Variants in NCKAP5 observed in about 807,000 individuals in gnomAD.
NCKAP5 encodes the protein nck-associated protein 5.
In NCKAP5, 92 loss-of-function variants were observed where a neutral mutation model predicts 167.0. The observed-to-expected ratio is 0.55, with a 90% CI of 0.47 to 0.66. The LOEUF (loss-of-function observed/expected upper bound fraction) is 0.66, where lower values mean the gene tolerates loss of function less well. Among genes scored for constraint, NCKAP5 ranks in the 30% least tolerant of loss-of-function variants. NCKAP5 has a pLI of 0.00. For synonymous variants in NCKAP5, 891 were observed against 877.4 expected, an observed-to-expected ratio of 1.02 and a Z score of -0.27; for missense variants, 2,378 against 2,315.0, an observed-to-expected ratio of 1.03 and a Z score of -0.56.
intron 6 of NCKAP5, among the ~76,000 whole-genome samples, chr2:133,103,874 G>A (rs909993690): frequency 6.6e-6 from 1 of 152,082 alleles, no homozygotes; most frequent in Non-Finnish European, 1.5e-5. Flanking sequence ...GAGAACTAGT[G>A]CTTTAAATGT....
At chr2:132,747,957 A>T (rs1430627) in intron 16 of NCKAP5, among the ~76,000 whole-genome samples, 30,215 of 152,158 alleles carry the variant, frequency 0.2, 3,574 homozygotes, top group Non-Finnish European at 0.28. Context: ...TATTCAGTTT[A>T]CCAAGCATTC....
intron 2 of NCKAP5, among the ~76,000 whole-genome samples, chr2:133,538,321 T>C (rs989895095): frequency 6.6e-6 from 1 of 152,174 alleles, no homozygotes; most frequent in African/African-American, 2.4e-5. Context: ...GAAGTCAAAT[T>C]AGGTGAGTGG....
chr2:133,065,942 T>C, intron 6 of NCKAP5, among the ~76,000 whole-genome samples: 1 of 152,246 alleles, frequency 6.6e-6, no homozygotes, highest in East Asian at 1.9e-4. Flanking sequence ...TGATTCATTC[T>C]CCATTCATCT....
Position 132,820,918 on chromosome 2 carries a change from T to TA in NCKAP5, c.808-24190dup, listed in dbSNP as rs538521496. Among the ~76,000 whole-genome samples the TA allele has an allele frequency of 1.4e-3, 216 of 152,318 alleles. 1 individual carries two copies. The highest frequency in any genetic ancestry group is 4.9e-3 in the African/African-American group (205 of 41,578). On this transcript the variant is annotated intron_variant, in intron 11 of 19. Transcript: ENST00000409261. Reference sequence around the variant, plus strand: ...ATCCTGCGTGATAAGTGAGGCAACATAAAATGTGCCAGCAGGACCAAGTGG... The same window carrying TA: ...ATCCTGCGTGATAAGTGAGGCAACATAAAAATGTGCCAGCAGGACCAAGTGG...
At chr2:133,144,717 A>G (rs1319026538) in intron 5 of NCKAP5, among the ~76,000 whole-genome samples, 1 of 152,126 alleles carries the variant, frequency 6.6e-6, no homozygotes, top group East Asian at 1.9e-4. Flanking sequence ...CTCTGTACAG[A>G]GGCACCTGCG....
rs116167205 is a variant in NCKAP5, at chr2:132,711,166, C to A, written c.5713+14461G>T. Among the ~76,000 whole-genome samples the A allele has an allele frequency of 4.5e-3, 686 of 152,258 alleles. 6 individuals carry two copies. The highest frequency in any genetic ancestry group is 0.016 in the African/African-American group (660 of 41,540). On this transcript the variant is annotated intron_variant, in intron 19 of 19. Coordinates refer to ENST00000409261, the MANE Select transcript of NCKAP5 (RefSeq NM_207363.3). ...TACAATAGTAAATATGAGGGTGAACCCAGGAAATCCTAGAATATGGATCCC... is the reference window on the plus strand; with the variant it reads ...TACAATAGTAAATATGAGGGTGAACACAGGAAATCCTAGAATATGGATCCC...
chr2:132,752,415 A>G (rs1258796748), intron 16 of NCKAP5, among the ~76,000 whole-genome samples: 2 of 152,266 alleles, frequency 1.3e-5, no homozygotes. Context: ...TCAGAGGGCT[A>G]AACGGAAAGG....
At chr2:133,465,634 A>G (rs373075371) in intron 3 of NCKAP5, among the ~76,000 whole-genome samples, 3 of 151,164 alleles carry the variant, frequency 2.0e-5, no homozygotes, top group South Asian at 2.1e-4. Context: ...AACAGTGTAA[A>G]AGTGTTCCTA....
intron 6 of NCKAP5, among the ~76,000 whole-genome samples, chr2:133,062,913 T>C (rs1294640669): frequency 6.6e-6 from 1 of 152,134 alleles, no homozygotes; most frequent in Non-Finnish European, 1.5e-5. Context: ...CGAGATTAAA[T>C]TATCAGTGTT....
intron 3 of NCKAP5, among the ~76,000 whole-genome samples, chr2:133,376,389 G>A (rs1015785279): frequency 2.0e-5 from 3 of 152,044 alleles, no homozygotes; most frequent in Admixed American, 6.6e-5. Flanking sequence ...AATCATCCTC[G>A]ACTCCTCCTT....
chr2:132,869,908 A>AT (rs1690670828), intron 9 of NCKAP5, among the ~76,000 whole-genome samples: 1 of 152,240 alleles, frequency 6.6e-6, no homozygotes, highest in African/African-American at 2.4e-5. Flanking sequence ...AGTCACTGTT[A>AT]TTTTGAGTTT....
At chr2:133,548,557 G>C (rs1188206463) in intron 2 of NCKAP5, among the ~76,000 whole-genome samples, 18 of 151,894 alleles carry the variant, frequency 1.2e-4, no homozygotes, top group Admixed American at 1.2e-3. Context: ...AGCCAGAACA[G>C]AGTGGGGGCC....
At chr2:133,201,874 C>A (rs950067409) in intron 5 of NCKAP5, among the ~76,000 whole-genome samples, 1 of 151,892 alleles carries the variant, frequency 6.6e-6, no homozygotes, top group Non-Finnish European at 1.5e-5. Context: ...CACTGCTCAA[C>A]GAAATAAAAG....
At chr2:132,780,763 C>G (rs957756350) in intron 15 of NCKAP5, among the ~76,000 whole-genome samples, 1 of 152,130 alleles carries the variant, frequency 6.6e-6, no homozygotes, top group Non-Finnish European at 1.5e-5. Flanking sequence ...GAAGATGATA[C>G]CAGTAGCATC....
chr2:133,566,503 G>A (rs543476897), intron 1 of NCKAP5, among the ~76,000 whole-genome samples: 64 of 152,264 alleles, frequency 4.2e-4, no homozygotes, highest in Non-Finnish European at 6.5e-4. Context: ...GAAATGTAAC[G>A]AGAGCCAAAG....
chr2:133,365,274 G>A (rs1014961728), intron 3 of NCKAP5, among the ~76,000 whole-genome samples: 1 of 152,180 alleles, frequency 6.6e-6, no homozygotes, highest in African/African-American at 2.4e-5. Flanking sequence ...GGCATCTGGA[G>A]TTTACTTCCT....
chr2:132,777,685 C>T (rs1158826935), intron 15 of NCKAP5, among the ~76,000 whole-genome samples: 4 of 152,050 alleles, frequency 2.6e-5, no homozygotes, highest in Non-Finnish European at 1.5e-5. Context: ...CACCAAAATA[C>T]CATTTAGAAT....
rs542673135 is a variant in NCKAP5, at chr2:132,789,898, C to T, written c.1092+125G>A. On this transcript the variant is annotated intron_variant, in intron 13 of 19. Transcript: ENST00000409261. The stretch of plus-strand genomic sequence containing the variant: ...TTGATGAAAGGATGTCAGTATAATA[C>T]ATGAGCAGGTGCTCAGCAAATGGTG... The T allele has an allele frequency of 8.7e-6, 7 of 802,820 alleles. No individual in the cohort carries two copies. In the African/African-American group the frequency reaches 1.0e-4, roughly 12 times the overall value. 49.7% of individuals were successfully genotyped at this position (802,820 alleles called of 1,614,324 possible).
At chr2:133,382,712 A>G (rs552411311) in intron 3 of NCKAP5, among the ~76,000 whole-genome samples, 1 of 152,288 alleles carries the variant, frequency 6.6e-6, no homozygotes, top group Non-Finnish European at 1.5e-5. Flanking sequence ...TCTCTCATGA[A>G]TAAGCATTTG....
Sources: allele counts gnomAD v4.1 joint callset (sites outside exome capture counted in the v4.1 genomes callset), GRCh38; gene constraint gnomAD v4.1.1; transcripts MANE v1.5; gene names NCBI Gene and HGNC (gene_info 2026-07-23, HGNC 2026-07-21).